STARD4: variants seen among roughly 807,000 people sequenced by gnomAD.
The protein encoded by STARD4 is stAR-related lipid transfer protein 4.
In STARD4, 33 loss-of-function variants were observed where a neutral mutation model predicts 24.9. That is an observed-to-expected ratio of 1.32 (90% CI 1.00 to 1.77). The LOEUF (loss-of-function observed/expected upper bound fraction) is 1.77. Ranked by LOEUF, STARD4 falls within the 40% of genes most tolerant of loss-of-function variation. STARD4 has a pLI of 0.00. For synonymous variants in STARD4, 88 were observed against 77.4 expected, an observed-to-expected ratio of 1.14 and a Z score of -0.72; for missense variants, 238 against 249.3, an observed-to-expected ratio of 0.95 and a Z score of 0.31.
chr5:111,505,302 C>A (rs542047619), intron 3 of STARD4, among the ~76,000 whole-genome samples: 1 of 152,256 alleles, frequency 6.6e-6, no homozygotes, highest in Admixed American at 6.5e-5. Flanking sequence ...ATGCTTAATC[C>A]AACTCCAATT....
At chr5:111,502,115 G>T in intron 3 of STARD4, 27 bp from the exon 4 acceptor site, 1 of 1,600,376 alleles carries the variant, frequency 6.2e-7, no homozygotes, top group Non-Finnish European at 8.5e-7. Flanking sequence ...TAAGTCAACC[G>T]CTGTTACAAT....
In STARD4 at chr5:111,496,943, T is replaced by C. The variant is rs1187565460; in HGVS notation, c.*2943A>G. On this transcript the variant is annotated 3_prime_UTR_variant, in exon 6 of 6. Transcript: ENST00000296632. ...AGAATACTAGATTCTCATTATTTTT[T>C]TTTGAGTACTGTTTTAAACTTTAAG... 6.6e-6 allele frequency: 1 copy of C among 152,100 alleles called. No individual in the cohort carries two copies. The highest frequency in any genetic ancestry group is 1.5e-5 in the Non-Finnish European group (1 of 67,952). The allele number at this position is 152,100 out of a possible 1,614,324, so 9.4% of individuals were successfully genotyped here. A position where few individuals can be genotyped will look rare whatever the true frequency, so the allele number is the denominator to read the frequency against.
chr5:111,508,953 T>C (rs1757053581), intron 1 of STARD4, among the ~76,000 whole-genome samples: 2 of 152,076 alleles, frequency 1.3e-5, no homozygotes, highest in Non-Finnish European at 2.9e-5. Context: ...TGGGAAAGTA[T>C]ACAAAGAAAA....
chr5:111,511,224 A>G (rs925339734), intron 1 of STARD4, among the ~76,000 whole-genome samples: 9 of 152,212 alleles, frequency 5.9e-5, no homozygotes, highest in African/African-American at 1.4e-4. Flanking sequence ...ACATGGAAGT[A>G]TATTTCTACA....
rs1332415591 is a variant in STARD4, at chr5:111,496,136, G to GTT, written c.*3748_*3749dup. On this transcript the variant is annotated 3_prime_UTR_variant, in exon 6 of 6. Transcript: ENST00000296632. ...TATTATTAGTTTAATAAATATTCTA[G>GTT]TTTTACATATTGGTTCACAAAAGAA... 1.3e-5 allele frequency: 2 copies of GTT among 151,560 alleles called. No homozygotes were observed. The highest frequency in any genetic ancestry group is 6.6e-5 in the Admixed American group (1 of 15,220). 9.4% of individuals were successfully genotyped at this position (151,560 alleles called of 1,614,324 possible). A position where few individuals can be genotyped will look rare whatever the true frequency, so the allele number is the denominator to read the frequency against.
intron 3 of STARD4, among the ~76,000 whole-genome samples, chr5:111,503,861 T>C (rs1162861994): frequency 6.6e-6 from 1 of 152,038 alleles, no homozygotes; most frequent in African/African-American, 2.4e-5. Flanking sequence ...GTATAACACA[T>C]ATAAACAGAG....
rs906106246 is a variant in STARD4, at chr5:111,498,283, T to C, written c.*1603A>G. 6.6e-6 allele frequency: 1 copy of C among 151,928 alleles called. No individual in the cohort carries two copies. Among genetic ancestry groups the C allele is most frequent in the Admixed American group, 6.6e-5 (1 of 15,218 alleles). The allele number at this position is 151,928 out of a possible 1,614,324, so 9.4% of individuals were successfully genotyped here. On this transcript the variant is annotated 3_prime_UTR_variant, in exon 6 of 6. Coordinates refer to ENST00000296632, the MANE Select transcript of STARD4 (RefSeq NM_139164.3). ...TAACGGTGAATTATGTAATTACTTA[T>C]TGGAGGTATATGTTGATAAGGACAA...
intron 1 of STARD4, among the ~76,000 whole-genome samples, chr5:111,511,736 T>C (rs1345694406): frequency 6.6e-6 from 1 of 152,198 alleles, no homozygotes. Flanking sequence ...AGACTTCATA[T>C]AAAAAACCTG....
chr5:111,502,486 A>T (rs1419958432), intron 3 of STARD4, among the ~76,000 whole-genome samples: 2 of 151,458 alleles, frequency 1.3e-5, no homozygotes, highest in Non-Finnish European at 2.9e-5. Flanking sequence ...AAATAAAAAT[A>T]AAAGAATAAA....
intron 3 of STARD4, chr5:111,505,142 C>G (rs1580856435): frequency 2.4e-6 from 1 of 414,752 alleles, no homozygotes. Context: ...TTAAGAAATA[C>G]TTATTCTTCC....
chr5:111,502,047 A>G lies in STARD4; in HGVS notation c.197T>C (p.Ile66Thr). Reference sequence around the variant, plus strand: ...AGGCCCTGGGCGTATATGGTCTATTATACTATAGACAAGGTCATCTATAAC... The same window carrying G: ...AGGCCCTGGGCGTATATGGTCTATTGTACTATAGACAAGGTCATCTATAAC... The part of the protein sequence containing the change: ...QGVIDDLVYS[I>T]IDHIRPGPCR... The change falls in exon 4 of 6, where the codon ATA becomes ACA. Residue 66 changes from isoleucine (I) to threonine (T), a missense_variant. Ile to Thr is a moderately conservative substitution (Grantham distance 89, BLOSUM62 -1). Transcript: ENST00000296632. 4 of 1,614,114 alleles carry G rather than the reference A, an allele frequency of 2.5e-6. No individual in the cohort carries two copies. The highest frequency in any genetic ancestry group is 3.4e-6 in the Non-Finnish European group (4 of 1,179,930).
At chr5:111,505,901 G>T (rs79363344) in intron 3 of STARD4, among the ~76,000 whole-genome samples, 1 of 151,908 alleles carries the variant, frequency 6.6e-6, no homozygotes, top group East Asian at 1.9e-4. Context: ...TTTGCTTTCC[G>T]GAAAGTTAAA....
chr5:111,505,192 T>C (rs759269951), intron 3 of STARD4: 6 of 330,632 alleles, frequency 1.8e-5, no homozygotes, highest in Non-Finnish European at 3.6e-5. Context: ...TATGAAGTCT[T>C]TTCAGATCTC....
At position 111,496,583 on chromosome 5, in the gene STARD4, T is replaced by C. The variant is rs1365703650; in HGVS notation, c.*3303A>G. 1 of 152,150 alleles carries C rather than the reference T, an allele frequency of 6.6e-6. No individual in the cohort carries two copies. Among genetic ancestry groups the C allele is most frequent in the Admixed American group, 6.5e-5 (1 of 15,268 alleles). The allele number at this position is 152,150 out of a possible 1,614,324, so 9.4% of individuals were successfully genotyped here. Reference sequence around the variant, plus strand: ...AAGCTTTTATTTGTATGAAAGGCAATTACTCAGCCCTAAAAGCTCAACAGA... The same window carrying C: ...AAGCTTTTATTTGTATGAAAGGCAACTACTCAGCCCTAAAAGCTCAACAGA... On this transcript the variant is annotated 3_prime_UTR_variant, in exon 6 of 6. Transcript: ENST00000296632.
intron 1 of STARD4, among the ~76,000 whole-genome samples, chr5:111,511,365 A>T (rs1039480661): frequency 6.6e-6 from 1 of 152,220 alleles, no homozygotes; most frequent in African/African-American, 2.4e-5. Flanking sequence ...CTACATGGTC[A>T]GTCCTTCTGG....
chr5:111,502,150 A>C (rs548869790), intron 3 of STARD4, 62 bp from the exon 4 acceptor site: 119 of 1,545,384 alleles, frequency 7.7e-5, no homozygotes, highest in Admixed American at 2.2e-4. Flanking sequence ...ATACCCTTAT[A>C]GTGCATAGCT....
At chr5:111,500,878 A>G (rs759941199) in intron 5 of STARD4, 124 bp downstream of exon 5, 2 of 1,586,518 alleles carry the variant, frequency 1.3e-6, no homozygotes, top group East Asian at 4.5e-5. Context: ...AGCACTTGCA[A>G]AAAATGTTAG....
At chr5:111,501,864 TAA>T (rs1333396735) in intron 4 of STARD4, 96 bp downstream of exon 4, 2 of 1,486,740 alleles carry the variant, frequency 1.3e-6, no homozygotes, top group Admixed American at 3.7e-5. Flanking sequence ...GCAATGAATA[TAA>T]GTGTGTACAA....
intron 1 of STARD4, among the ~76,000 whole-genome samples, chr5:111,510,707 T>C (rs1469946145): frequency 6.6e-6 from 1 of 152,238 alleles, no homozygotes; most frequent in Non-Finnish European, 1.5e-5. Flanking sequence ...GCTGCCATCA[T>C]AGGGAGGGCA....
Sources: gnomAD v4.1 joint callset for allele counts (sites outside exome capture counted in the v4.1 genomes callset) on GRCh38, gnomAD v4.1.1 for gene constraint, MANE v1.5 for transcripts, NCBI Gene and HGNC (gene_info 2026-07-23, HGNC 2026-07-21) for gene names.